The following PTBP3 variants were observed in gnomAD, a reference collection of about 807,000 sequenced individuals.
PTBP3 encodes the protein polypyrimidine tract binding protein 3.
Under a neutral mutation model 58.7 loss-of-function variants are expected in PTBP3, and 20 were observed. That is an observed-to-expected ratio of 0.34 (90% confidence interval 0.24 to 0.50). The LOEUF (loss-of-function observed/expected upper bound fraction) is 0.50, where lower values mean the gene tolerates loss of function less well. PTBP3 is among the 20% of genes least tolerant of loss of function. The pLI is 0.98. For missense variants in PTBP3, 509 were observed against 637.2 expected (o/e 0.80, Z 2.17); for synonymous variants, 185 against 219.8 (o/e 0.84, Z 1.40).
upstream of PTBP3, chr9:112,333,716 C>T (rs1273315375): frequency 5.1e-6 from 2 of 390,154 alleles, no homozygotes; most frequent in Admixed American, 4.7e-5. Context: ...ACCCCGCCCC[C>T]TCACCGTCCC....
At chr9:112,328,080 TA>T (rs1317937229) in intron 1 of PTBP3, among the ~76,000 whole-genome samples, 1 of 152,208 alleles carries the variant, frequency 6.6e-6, no homozygotes, top group Non-Finnish European at 1.5e-5. Flanking sequence ...ATTCTTTTTT[TA>T]AAAGTCCATA....
chr9:112,372,206 AC>A, the PTBP3 span, among the ~76,000 whole-genome samples: 4 of 152,108 alleles, frequency 2.6e-5, no homozygotes, highest in East Asian at 7.7e-4. Flanking sequence ...CCTCCTGAGT[AC>A]CTGGAACTAC....
chr9:112,295,642 C>A (rs10817312), intron 2 of PTBP3, among the ~76,000 whole-genome samples: 70,927 of 144,144 alleles, frequency 0.49, 17,462 homozygotes, highest in African/African-American at 0.58. Flanking sequence ...TTGGGGTACA[C>A]AATAAACAAT....
intron 1 of PTBP3, among the ~76,000 whole-genome samples, chr9:112,303,892 C>A (rs562655082): frequency 3.0e-4 from 45 of 148,142 alleles, no homozygotes; most frequent in African/African-American, 1.1e-3. Context: ...ACAGGCTGGG[C>A]ACAGTGGCTC....
chr9:112,318,962 T>C (rs1020751966), intron 1 of PTBP3, among the ~76,000 whole-genome samples: 1 of 151,562 alleles, frequency 6.6e-6, no homozygotes, highest in African/African-American at 2.4e-5. Context: ...ATTCCGTCTC[T>C]ACTAAAAATA....
At chr9:112,300,577 C>T (rs1416690756) in intron 1 of PTBP3, among the ~76,000 whole-genome samples, 2 of 151,888 alleles carry the variant, frequency 1.3e-5, no homozygotes, top group Non-Finnish European at 2.9e-5. Flanking sequence ...ATGGTGAAAC[C>T]CCGTCTCTAC....
chr9:112,307,900 C>T (rs536798087), intron 1 of PTBP3, among the ~76,000 whole-genome samples: 1 of 152,316 alleles, frequency 6.6e-6, no homozygotes, highest in South Asian at 2.1e-4. Context: ...CTTTGAGTGC[C>T]GCCCAACGCA....
At chr9:112,288,479 T>C (rs1828238455) in intron 2 of PTBP3, among the ~76,000 whole-genome samples, 1 of 152,194 alleles carries the variant, frequency 6.6e-6, no homozygotes, top group African/African-American at 2.4e-5. Flanking sequence ...ATCTGTTTCT[T>C]CAACTCAGCA....
At chr9:112,228,580 C>T in intron 10 of PTBP3, 108 bp from the exon 11 acceptor site, 1 of 664,612 alleles carries the variant, frequency 1.5e-6, no homozygotes, top group South Asian at 2.7e-5. Flanking sequence ...CTTGGCAATT[C>T]CATACATACA....
intron 2 of PTBP3, among the ~76,000 whole-genome samples, chr9:112,277,946 T>TAACATAACATAACATAATATAAC (rs1564427648): frequency 3.4e-5 from 2 of 58,204 alleles, no homozygotes; most frequent in African/African-American, 1.4e-4. Context: ...CATAACATAA[T>TAACATAACATAACATAATATAAC]ATAACATAAC....
At chr9:112,368,795 C>T in the PTBP3 span, among the ~76,000 whole-genome samples, 277 of 152,236 alleles carry the variant, frequency 1.8e-3, 1 homozygote, top group South Asian at 0.016. Context: ...ATCAAGACAA[C>T]GGGGGAAAAT....
chr9:112,349,928 C>T, the PTBP3 span, among the ~76,000 whole-genome samples: 2 of 144,382 alleles, frequency 1.4e-5, no homozygotes, highest in African/African-American at 5.2e-5. Flanking sequence ...TTGGAAATTG[C>T]CTGTTGGAGA....
chr9:112,361,342 G>A, the PTBP3 span, among the ~76,000 whole-genome samples: 4 of 152,018 alleles, frequency 2.6e-5, no homozygotes, highest in Non-Finnish European at 5.9e-5. Flanking sequence ...CAGGTGATCT[G>A]CCCATCTCGG....
At chr9:112,362,872 GC>G in the PTBP3 span, 2 of 338,162 alleles carry the variant, frequency 5.9e-6, no homozygotes. Context: ...AGATCTTGAT[GC>G]CCAACATTGG....
chr9:112,221,153 A>G lies in PTBP3; in HGVS notation c.*2698T>C. On this transcript the variant is annotated 3_prime_UTR_variant, in exon 14 of 14. Transcript: ENST00000374257. ...AAACATGCTATTTTAAAACAAGAAC[A>G]TCCCACATCTCCAAATCTTAATTTG... 1 of 985,780 alleles carries G rather than the reference A, an allele frequency of 1.0e-6. No individual in the cohort carries two copies. The highest frequency in any genetic ancestry group is 1.2e-6 in the Non-Finnish European group (1 of 829,912). 61.1% of individuals were successfully genotyped at this position (985,780 alleles called of 1,614,324 possible).
the PTBP3 span, among the ~76,000 whole-genome samples, chr9:112,357,753 ACTTT>A: frequency 1.2e-4 from 18 of 151,644 alleles, no homozygotes; most frequent in South Asian, 2.1e-4. Context: ...AGCTTCTTAG[ACTTT>A]CTTTCTATTT....
At chr9:112,235,488 G>T (rs1835404133) in intron 7 of PTBP3, among the ~76,000 whole-genome samples, 1 of 152,116 alleles carries the variant, frequency 6.6e-6, no homozygotes. Context: ...ACAAATGCTG[G>T]TCTTCTCTTT....
intron 5 of PTBP3, among the ~76,000 whole-genome samples, chr9:112,261,365 T>C (rs1836587666): frequency 6.6e-6 from 1 of 152,250 alleles, no homozygotes; most frequent in East Asian, 1.9e-4. Flanking sequence ...CTGAGAAATG[T>C]GTCTGAGCTC....
chr9:112,279,991 T>C (rs1425155668), intron 2 of PTBP3, among the ~76,000 whole-genome samples: 3 of 152,226 alleles, frequency 2.0e-5, no homozygotes, highest in African/African-American at 7.2e-5. Flanking sequence ...TCTTATATCC[T>C]ACACCCTTGC....
Sources: gnomAD v4.1 joint callset for allele counts (sites outside exome capture counted in the v4.1 genomes callset) on GRCh38, gnomAD v4.1.1 for gene constraint, MANE v1.5 for transcripts, NCBI Gene and HGNC (gene_info 2026-07-23, HGNC 2026-07-21) for gene names.